The following RREB1 variants were observed in gnomAD, a reference collection of about 807,000 sequenced individuals.
The protein encoded by RREB1 is ras responsive element binding protein 1, also known as ras-responsive element-binding protein 1.
A neutral mutation model predicts 117.8 loss-of-function variants in RREB1; 27 were observed. The ratio of observed to expected loss-of-function variants is 0.23; its 90% CI spans 0.17 to 0.32. The LOEUF (loss-of-function observed/expected upper bound fraction) is 0.32, where lower values mean the gene tolerates loss of function less well. Ranked by LOEUF, RREB1 falls within the 10% of genes least tolerant of loss-of-function variation. The pLI, the probability that RREB1 is intolerant of heterozygous loss-of-function variation, is 1.00. For missense variants in RREB1, 2,577 were observed against 2,378.2 expected (o/e 1.08, Z -1.74); for synonymous variants, 1,298 against 1,026.7 (o/e 1.26, Z -5.05).
intron 1 of RREB1, among the ~76,000 whole-genome samples, chr6:7,135,706 G>A (rs1328715955): frequency 3.9e-5 from 6 of 152,146 alleles, no homozygotes; most frequent in Non-Finnish European, 4.4e-5. Flanking sequence ...CAGGTATTCC[G>A]TTTAAGTTTT....
chr6:7,170,428 TC>T, intron 1 of RREB1, among the ~76,000 whole-genome samples: 2 of 152,310 alleles, frequency 1.3e-5, no homozygotes, highest in South Asian at 4.1e-4. Context: ...AGGGAGGGTA[TC>T]CGGGGCCACC....
At position 7,249,971 on chromosome 6, in the gene RREB1, T is replaced by C. The variant is rs1284726067; in HGVS notation, c.*1003T>C. 6.6e-6 allele frequency: 1 copy of C among 152,560 alleles called. No homozygotes were observed. The highest frequency in any genetic ancestry group is 1.5e-5 in the Non-Finnish European group (1 of 68,034). 9.5% of individuals were successfully genotyped at this position (152,560 alleles called of 1,614,324 possible). On this transcript the variant is annotated 3_prime_UTR_variant, in exon 13 of 13. Transcript: ENST00000379938. The stretch of plus-strand genomic sequence containing the variant: ...TCGGGTGGTAGCTCTTCTACTGTAA[T>C]GAGACAAGCCTTTCTTCTGTCACTG...
At chr6:7,223,005 A>C (rs1427174963) in intron 8 of RREB1, among the ~76,000 whole-genome samples, 3 of 152,148 alleles carry the variant, frequency 2.0e-5, no homozygotes, top group African/African-American at 7.2e-5. Context: ...CTGTAATCCC[A>C]ACACTTTGGG....
At chr6:7,196,549 G>A (rs2113576347) in intron 6 of RREB1, among the ~76,000 whole-genome samples, 1 of 152,160 alleles carries the variant, frequency 6.6e-6, no homozygotes, top group South Asian at 2.1e-4. Context: ...CAGTTGCTTT[G>A]TAGCACTGAT....
Position 7,199,106 on chromosome 6 carries a change from T to C in RREB1, c.425+9784T>C, listed in dbSNP as rs79497805. 8.5e-3 allele frequency among the ~76,000 whole-genome samples: 1,288 copies of C among 152,296 alleles called. 19 individuals carry two copies. The highest frequency in any genetic ancestry group is 0.03 in the African/African-American group (1,229 of 41,552). On this transcript the variant is annotated intron_variant, in intron 6 of 12. Transcript: ENST00000379938. ...GAAACCTGGGTGCTTTTGTTTTTAC[T>C]TCAGTAGTGGTTTAAAGAAGGGCGA...
intron 3 of RREB1, chr6:7,181,642 A>C: frequency 1.7e-6 from 1 of 596,130 alleles, no homozygotes. Context: ...TCCTGTTGGT[A>C]GTGCACACTC....
At chr6:7,197,219 A>T (rs1250378813) in intron 6 of RREB1, among the ~76,000 whole-genome samples, 4 of 152,204 alleles carry the variant, frequency 2.6e-5, no homozygotes, top group African/African-American at 9.7e-5. Context: ...TTTCCTTTTA[A>T]AATTGCCTTG....
intron 4 of RREB1, 59 bp from the exon 5 acceptor site, chr6:7,187,374 GA>G: frequency 1.9e-6 from 2 of 1,076,778 alleles, no homozygotes; most frequent in South Asian, 1.3e-5. Context: ...ATTACAGAAA[GA>G]AAAGGCACTT....
intron 6 of RREB1, among the ~76,000 whole-genome samples, chr6:7,204,279 C>T (rs897880548): frequency 2.0e-5 from 3 of 152,124 alleles, no homozygotes; most frequent in African/African-American, 7.2e-5. Context: ...CCAGGAATTG[C>T]TCAGTTGCCG....
intron 1 of RREB1, among the ~76,000 whole-genome samples, chr6:7,125,370 G>A (rs1003039743): frequency 3.3e-5 from 5 of 152,276 alleles, no homozygotes; most frequent in Admixed American, 1.3e-4. Flanking sequence ...GATCTTTTGC[G>A]TGGTGGGAAA....
At chr6:7,125,034 TGGAAACA>T (rs1761849301) in intron 1 of RREB1, among the ~76,000 whole-genome samples, 1 of 152,192 alleles carries the variant, frequency 6.6e-6, no homozygotes, top group Non-Finnish European at 1.5e-5. Flanking sequence ...TTCTGGCTTG[TGGAAACA>T]GCAGATTACA....
chr6:7,173,784 A>G (rs899979413), intron 1 of RREB1, among the ~76,000 whole-genome samples: 1 of 147,282 alleles, frequency 6.8e-6, no homozygotes, highest in East Asian at 2.0e-4. Context: ...TTGGCGACAG[A>G]AAAAAAAAAA....
chr6:7,117,388 G>GTTTTTTTCTTTTTTTTTTTTTTTTTT (rs1761450059), intron 1 of RREB1, among the ~76,000 whole-genome samples: 1 of 63,292 alleles, frequency 1.6e-5, no homozygotes. Flanking sequence ...TAGGTTTCCT[G>GTTTTTTTCTTTTTTTTTTTTTTTTTT]TTTTTTTTTT....
At chr6:7,150,295 A>T (rs1348211917) in intron 1 of RREB1, among the ~76,000 whole-genome samples, 1 of 152,198 alleles carries the variant, frequency 6.6e-6, no homozygotes, top group African/African-American at 2.4e-5. Context: ...TTGTCATATT[A>T]GCTTTTAATA....
chr6:7,194,940 A>G (rs1327309247), intron 6 of RREB1, among the ~76,000 whole-genome samples: 4 of 152,238 alleles, frequency 2.6e-5, no homozygotes, highest in African/African-American at 7.2e-5. Flanking sequence ...CTTCATCTGT[A>G]AAAGGTAGTA....
chr6:7,113,398 T>G (rs1014537413), intron 1 of RREB1, among the ~76,000 whole-genome samples: 1 of 152,248 alleles, frequency 6.6e-6, no homozygotes, highest in Non-Finnish European at 1.5e-5. Context: ...TGTCTGATAC[T>G]TCTGGTGGTT....
At chr6:7,246,390 CCT>C (rs1378954310) in intron 11 of RREB1, 32 bp from the exon 12 acceptor site, 1 of 1,446,172 alleles carries the variant, frequency 6.9e-7, no homozygotes, top group Non-Finnish European at 9.1e-7. Context: ...TGGTGGTGCC[CCT>C]CTGAGCCCTC....
At chr6:7,131,062 C>T (rs912292358) in intron 1 of RREB1, among the ~76,000 whole-genome samples, 4 of 151,264 alleles carry the variant, frequency 2.6e-5, no homozygotes, top group South Asian at 2.1e-4. Flanking sequence ...CCTCAGCCTC[C>T]GGAGTAGGTG....
chr6:7,205,692 T>C (rs1766232522), intron 6 of RREB1, among the ~76,000 whole-genome samples: 1 of 152,200 alleles, frequency 6.6e-6, no homozygotes, highest in Non-Finnish European at 1.5e-5. Context: ...GGTCAGCTTT[T>C]AGGGATTGGT....
Sources: gnomAD v4.1 joint callset for allele counts (sites outside exome capture counted in the v4.1 genomes callset) on GRCh38, gnomAD v4.1.1 for gene constraint, MANE v1.5 for transcripts, NCBI Gene and HGNC (gene_info 2026-07-23, HGNC 2026-07-21) for gene names.